Variants in FMN1 observed in about 807,000 individuals in gnomAD.
FMN1 encodes formin 1, also known as formin-1.
Under a neutral mutation model 132.4 loss-of-function variants are expected in FMN1, and 110 were observed. The observed-to-expected ratio is 0.83, with a 90% CI of 0.71 to 0.97. The LOEUF (loss-of-function observed/expected upper bound fraction) is 0.97, where lower values mean the gene tolerates loss of function less well. FMN1 is among the 50% of genes least tolerant of loss of function. FMN1 has a pLI of 0.00. For synonymous variants in FMN1, 722 were observed against 651.7 expected, an observed-to-expected ratio of 1.11 and a Z score of -1.64; for missense variants, 1,792 against 1,705.3, an observed-to-expected ratio of 1.05 and a Z score of -0.90.
At chr15:32,849,627 C>T (rs535377482) in intron 17 of FMN1, among the ~76,000 whole-genome samples, 3 of 152,144 alleles carry the variant, frequency 2.0e-5, no homozygotes, top group African/African-American at 7.2e-5. Context: ...TAGATAAAAG[C>T]CTACCTAATA....
chr15:32,961,233 A>C (rs545592702), intron 9 of FMN1, among the ~76,000 whole-genome samples: 79 of 151,726 alleles, frequency 5.2e-4, no homozygotes, highest in Non-Finnish European at 8.4e-4. Flanking sequence ...TCCTGGGTTA[A>C]AGCGATTCTC....
intron 6 of FMN1, among the ~76,000 whole-genome samples, chr15:33,050,960 AG>A: frequency 6.6e-6 from 1 of 152,348 alleles, no homozygotes; most frequent in Non-Finnish European, 1.5e-5. Context: ...ATCTTAGAAC[AG>A]ATTTTATAGT....
chr15:33,159,153 G>A (rs1304238094), intron 3 of FMN1, among the ~76,000 whole-genome samples: 2 of 152,240 alleles, frequency 1.3e-5, no homozygotes, highest in Admixed American at 6.5e-5. Flanking sequence ...CTGCACTCCA[G>A]CGTGGGTGAA....
At chr15:32,854,443 T>A (rs1322318181) in intron 17 of FMN1, among the ~76,000 whole-genome samples, 1 of 152,210 alleles carries the variant, frequency 6.6e-6, no homozygotes, top group Non-Finnish European at 1.5e-5. Context: ...GTATATATAT[T>A]TTTATATTCT....
chr15:33,025,466 T>C (rs1056371728), intron 6 of FMN1, among the ~76,000 whole-genome samples: 2 of 152,178 alleles, frequency 1.3e-5, no homozygotes, highest in Non-Finnish European at 2.9e-5. Flanking sequence ...CTTCAAATAC[T>C]GTCACACAGG....
intron 9 of FMN1, among the ~76,000 whole-genome samples, chr15:32,961,037 C>T (rs1350047754): frequency 1.4e-5 from 2 of 143,712 alleles, no homozygotes; most frequent in African/African-American, 5.1e-5. Flanking sequence ...TTGATGGTAT[C>T]ATTCAATATT....
At chr15:33,169,760 T>G (rs1476816164) in intron 3 of FMN1, among the ~76,000 whole-genome samples, 1 of 139,964 alleles carries the variant, frequency 7.1e-6, no homozygotes, top group South Asian at 2.2e-4. Flanking sequence ...TTTTTTTTTT[T>G]GGTAATAGCC....
At chr15:33,100,562 G>A (rs1191729520) in intron 4 of FMN1, among the ~76,000 whole-genome samples, 1 of 152,122 alleles carries the variant, frequency 6.6e-6, no homozygotes, top group East Asian at 1.9e-4. Context: ...AGGAAGAGAA[G>A]CAGTTGCAGC....
intron 4 of FMN1, among the ~76,000 whole-genome samples, chr15:33,127,365 G>A (rs1234022888): frequency 6.6e-6 from 1 of 151,692 alleles, no homozygotes; most frequent in South Asian, 2.1e-4. Context: ...ACTTGACTCT[G>A]TTCATACACA....
At position 32,969,202 on chromosome 15, in the gene FMN1, C is replaced by A; in HGVS notation, c.2499G>T (p.Leu833=). ...AGAGCTGGCTTAAAGAGGAGATATT[C>A]AGCTTTTTGGGTACTAATTGATTAC... ...TRSNQLVPKK[L]NISSLSQLSP... Residue 833 remains leucine (L), a synonymous_variant, in exon 8 of 21, where the codon CTG becomes CTT. Transcript: ENST00000616417. 1.9e-6 allele frequency: 3 copies of A among 1,613,824 alleles called. No homozygotes were observed. Among genetic ancestry groups the A allele is most frequent in the Non-Finnish European group, 2.5e-6 (3 of 1,179,854 alleles).
chr15:33,058,217 A>T lies in FMN1; in HGVS notation c.2161+6740T>A, dbSNP rs1485287540. 1.3e-5 allele frequency among the ~76,000 whole-genome samples: 2 copies of T among 152,160 alleles called. 1 individual carries two copies. The highest frequency in any genetic ancestry group is 4.8e-5 in the African/African-American group (2 of 41,434). ...CTGGCAATAGATGGAGATTTGCAGA[A>T]CAGAAGAAAAATGAAGCCACCTGGA... is the stretch of plus-strand genomic sequence containing the variant. On this transcript the variant is annotated intron_variant, in intron 6 of 20. Coordinates refer to ENST00000616417, the MANE Select transcript of FMN1 (RefSeq NM_001277313.2).
At chr15:32,895,836 G>A (rs2060141253) in intron 15 of FMN1, among the ~76,000 whole-genome samples, 1 of 151,912 alleles carries the variant, frequency 6.6e-6, no homozygotes, top group Non-Finnish European at 1.5e-5. Flanking sequence ...TCATTTTTGA[G>A]ATACTACAGT....
intron 9 of FMN1, among the ~76,000 whole-genome samples, chr15:32,955,436 A>G (rs1467023477): frequency 1.3e-5 from 2 of 152,186 alleles, no homozygotes; most frequent in Non-Finnish European, 2.9e-5. Context: ...ATCTTTCCCT[A>G]TTCTTGTTAC....
chr15:33,008,026 A>C lies in FMN1; in HGVS notation c.2211T>G (p.Ile737Met), dbSNP rs1304416409. The C allele has an allele frequency of 1.9e-6, 3 of 1,600,966 alleles. No individual in the cohort carries two copies. The highest frequency in any genetic ancestry group is 1.3e-5 in the African/African-American group (1 of 74,762). The part of the protein sequence containing the change: ...LHLKREHKEE[I>M]ENLQAQFELR... ...CAAAGAGGCATACCTGCAGGTTTTC[A>C]ATTTCTTCTTTGTGCTCCCTCTTCA... The change falls in exon 7 of 21, where the codon ATT (isoleucine) becomes ATG (methionine). Residue 737 changes from isoleucine (I) to methionine (M), a missense_variant. This residue lies in a region of FMN1 where 1,150 missense variants were observed against 1,043.1 expected (regional missense o/e 1.10). Coordinates refer to ENST00000616417, the MANE Select transcript of FMN1 (RefSeq NM_001277313.2).
chr15:32,822,406 C>T (rs1257424136), intron 17 of FMN1, among the ~76,000 whole-genome samples: 9 of 152,218 alleles, frequency 5.9e-5, no homozygotes, highest in Non-Finnish European at 7.4e-5. Flanking sequence ...CTAGGCTCTG[C>T]GTTTCTCAAA....
chr15:33,193,912 C>T lies in FMN1; in HGVS notation c.-200G>A, dbSNP rs1404102238. ...TGGGGGATCCGTCAGCACTTACATGCCTTTAGAGAATCTGCCTTTACAGAA... is the reference window on the plus strand; with the variant it reads ...TGGGGGATCCGTCAGCACTTACATGTCTTTAGAGAATCTGCCTTTACAGAA... On this transcript the variant is annotated 5_prime_UTR_variant, in exon 2 of 21. Coordinates refer to ENST00000616417, the MANE Select transcript of FMN1 (RefSeq NM_001277313.2). The T allele has an allele frequency of 6.6e-6, 1 of 151,854 alleles. No homozygotes were observed. The highest frequency in any genetic ancestry group is 1.5e-5 in the Non-Finnish European group (1 of 68,054). 9.4% of individuals were successfully genotyped at this position (151,854 alleles called of 1,614,324 possible).
At chr15:33,121,600 C>T (rs770565678) in intron 4 of FMN1, among the ~76,000 whole-genome samples, 3 of 152,184 alleles carry the variant, frequency 2.0e-5, no homozygotes, top group Non-Finnish European at 2.9e-5. Context: ...GCAATCTTGG[C>T]TCACTGCAAC....
rs571216217 is a variant in FMN1, at chr15:32,953,486, T to A, written c.3138+10621A>T. ...ATCACAGTTGGTGAGCTTTGTAAGG[T>A]CCGTGTTTACAGCCATGCAAATTAG... is the stretch of plus-strand genomic sequence containing the variant. On this transcript the variant is annotated intron_variant, in intron 9 of 20. Coordinates refer to ENST00000616417, the MANE Select transcript of FMN1 (RefSeq NM_001277313.2). Among the ~76,000 whole-genome samples, 4 of 152,252 alleles carry A rather than the reference T, an allele frequency of 2.6e-5. No individual in the cohort carries two copies. In the South Asian group the frequency reaches 8.3e-4, roughly 32 times the overall value.
chr15:33,049,632 A>G (rs76568991), intron 6 of FMN1, among the ~76,000 whole-genome samples: 1,645 of 152,334 alleles, frequency 0.011, 13 homozygotes, highest in Non-Finnish European at 0.018. Flanking sequence ...ATTTAAGTTC[A>G]GCCTACAGGT....
Sources: allele counts gnomAD v4.1 joint callset (sites outside exome capture counted in the v4.1 genomes callset), GRCh38; gene constraint gnomAD v4.1.1; regional missense constraint gnomAD v4.1.1; transcripts MANE v1.5; gene names NCBI Gene and HGNC (gene_info 2026-07-23, HGNC 2026-07-21).